Variants in HYOU1 observed in about 807,000 individuals in gnomAD.
HYOU1 encodes the protein hypoxia up-regulated 1, also known as hypoxia up-regulated protein 1.
Under a neutral mutation model 120.5 loss-of-function variants are expected in HYOU1, and 40 were observed. The ratio of observed to expected loss-of-function variants is 0.33; its 90% CI spans 0.26 to 0.43. The LOEUF is 0.43. HYOU1 is among the 20% of genes least tolerant of loss of function. The pLI is 1.00. For missense variants in HYOU1, 1,085 were observed against 1,278.3 expected (o/e 0.85, Z 2.31); for synonymous variants, 501 against 479.4 (o/e 1.05, Z -0.59).
chr11:119,050,708 C>A (rs1397488037), intron 14 of HYOU1, among the ~76,000 whole-genome samples: 3 of 91,088 alleles, frequency 3.3e-5, no homozygotes, highest in Non-Finnish European at 5.8e-5. Context: ...GTAACAGAGC[C>A]AAGACCCTCT....
rs1944427092 is a variant in HYOU1 at position 119,051,378 on chromosome 11, T to C, written c.1526+60A>G. The C allele has an allele frequency of 6.4e-7, 1 of 1,572,414 alleles. No homozygotes were observed. Among genetic ancestry groups the C allele is most frequent in the African/African-American group, 1.4e-5 (1 of 74,006 alleles). On this transcript the variant is annotated intron_variant, in intron 13 of 25. Transcript: ENST00000617285. This position sits in a 1 kb window ranked among gnomAD's most constrained non-coding sequence, Gnocchi z 4.2. ...TCCTCCCTCACCCCCAGTCCTCAGA[T>C]TATCCAGCAGCCACGCCTCCCCCTC...
chr11:119,052,599 G>T lies in HYOU1; in HGVS notation c.987+38C>A, dbSNP rs1191438591. The T allele has an allele frequency of 6.3e-7, 1 of 1,589,780 alleles. No homozygotes were observed. Among genetic ancestry groups the T allele is most frequent in the South Asian group, 1.1e-5 (1 of 87,272 alleles). On this transcript the variant is annotated intron_variant, in intron 9 of 25. Coordinates refer to ENST00000617285, the MANE Select transcript of HYOU1 (RefSeq NM_006389.5). The surrounding 1 kb of genome is among the most constrained non-coding windows in gnomAD (Gnocchi z 5.0). ...TGGCAGGGTCCCCCACCCTCTACGT[G>T]GGACAAAATATAGCCTCAACCAGCC... is the stretch of plus-strand genomic sequence containing the variant.
At chr11:119,046,510 G>A (rs1944086842) in intron 23 of HYOU1, 43 bp from the exon 24 acceptor site, 1 of 1,614,016 alleles carries the variant, frequency 6.2e-7, no homozygotes, top group African/African-American at 1.3e-5. Context: ...AGGAAGGAAA[G>A]GAGGCTGTCT....
rs2133563982 is a variant in HYOU1 at position 119,048,431 on chromosome 11, C to T, written c.2253+45G>A. ...AGCCCAGAGGCAAGGCCCACAGAGC[C>T]AGGTGTAAGCCCAGTGGGGGGGCTG... On this transcript the variant is annotated intron_variant, in intron 19 of 25. Transcript: ENST00000617285. The surrounding 1 kb of genome is among the most constrained non-coding windows in gnomAD (Gnocchi z 4.7). 6.2e-7 allele frequency: 1 copy of T among 1,612,646 alleles called. No homozygotes were observed.
At position 119,052,458 on chromosome 11, in the gene HYOU1, T is replaced by C. The variant is rs2133593075; in HGVS notation, c.988-29A>G. On this transcript the variant is annotated intron_variant, in intron 9 of 25. Transcript: ENST00000617285. This position sits in a 1 kb window ranked among gnomAD's most constrained non-coding sequence, Gnocchi z 5.0. ...GGAGAGGATGGGGACTGTCAGGGGG[T>C]TCTTGCCCAGCTCCCGCTCTCTTGG... is the stretch of plus-strand genomic sequence containing the variant. 1 of 1,613,908 alleles carries C rather than the reference T, an allele frequency of 6.2e-7. No individual in the cohort carries two copies. The highest frequency in any genetic ancestry group is 8.5e-7 in the Non-Finnish European group (1 of 1,179,980).
At chr11:119,045,917 G>A in intron 24 of HYOU1, 86 bp from the exon 25 acceptor site, 1 of 1,327,326 alleles carries the variant, frequency 7.5e-7, no homozygotes. Context: ...TGAAGAGCCA[G>A]CTAGTAAATA....
rs2133570784 is a variant in HYOU1 at position 119,049,223 on chromosome 11, C to A, written c.1807-20G>T. 6.9e-6 allele frequency: 11 copies of A among 1,587,406 alleles called. No individual in the cohort carries two copies. In the Admixed American group the frequency reaches 1.6e-4, roughly 23 times the overall value. Reference sequence around the variant, plus strand: ...TTCCTCCTGGGAAACACCACAGGCGCCCCAGGGAACGATCAGGAGCAGAGC... The same window carrying A: ...TTCCTCCTGGGAAACACCACAGGCGACCCAGGGAACGATCAGGAGCAGAGC... On this transcript the variant is annotated intron_variant, in intron 16 of 25. Transcript: ENST00000617285.
At position 119,044,301 on chromosome 11, in the gene HYOU1, C is replaced by T. The variant is rs978069412; in HGVS notation, c.*1292G>A. On this transcript the variant is annotated 3_prime_UTR_variant, in exon 26 of 26. Coordinates refer to ENST00000617285, the MANE Select transcript of HYOU1 (RefSeq NM_006389.5). ...CAGCTACTGAAAGAATTCAAACATA[C>T]AGAAGAGGTGGGGGTGGGGTGAGGG... 8.2e-6 allele frequency: 1 copy of T among 122,460 alleles called. No individual in the cohort carries two copies. The highest frequency in any genetic ancestry group is 3.3e-5 in the African/African-American group (1 of 30,470). 7.6% of individuals were successfully genotyped at this position (122,460 alleles called of 1,614,324 possible).
chr11:119,051,801 T>G lies in HYOU1; in HGVS notation c.1338+18A>C, dbSNP rs2133587974. 9.9e-6 allele frequency: 16 copies of G among 1,613,700 alleles called. No homozygotes were observed. Among genetic ancestry groups the G allele is most frequent in the Non-Finnish European group, 1.4e-5 (16 of 1,179,784 alleles). ...GAGGTAAAGGGAGCTTGTCACCTGC[T>G]CAGTCAGGCTCACTCACCAGGATGG... is the stretch of plus-strand genomic sequence containing the variant. On this transcript the variant is annotated intron_variant, in intron 12 of 25. Coordinates refer to ENST00000617285, the MANE Select transcript of HYOU1 (RefSeq NM_006389.5). This position sits in a 1 kb window ranked among gnomAD's most constrained non-coding sequence, Gnocchi z 4.2.
Position 119,049,088 on chromosome 11 carries a change from G to A in HYOU1, c.1922C>T (p.Pro641Leu). Reference protein sequence around the residue: ...EDGSQPPPPEPKGDATPEGEK... With the variant: ...EDGSQPPPPELKGDATPEGEK... ...TCCCTCAGGGGTTGCATCTCCCTTA[G>A]GTTCAGGGGGTGGGGGCTGAGAGCC... Residue 641 changes from proline to leucine, a missense_variant, in exon 17 of 26, where the codon CCT (proline) becomes CTT (leucine). Physicochemically the swap from Pro to Leu is moderately conservative, Grantham distance 98. Coordinates refer to ENST00000617285, the MANE Select transcript of HYOU1 (RefSeq NM_006389.5). 6.2e-7 allele frequency: 1 copy of A among 1,614,108 alleles called. No individual in the cohort carries two copies. Among genetic ancestry groups the A allele is most frequent in the Non-Finnish European group, 8.5e-7 (1 of 1,180,010 alleles).
chr11:119,048,124 C>G lies in HYOU1; in HGVS notation c.2377-44G>C. ...GGCAGAGGGGTGGAAGGGACGACAG[C>G]AGAGCCTGGAGTCAGCCCCATGTCC... On this transcript the variant is annotated intron_variant, in intron 20 of 25. Coordinates refer to ENST00000617285, the MANE Select transcript of HYOU1 (RefSeq NM_006389.5). This position sits in a 1 kb window ranked among gnomAD's most constrained non-coding sequence, Gnocchi z 4.7. 1 of 1,612,972 alleles carries G rather than the reference C, an allele frequency of 6.2e-7. No homozygotes were observed. Among genetic ancestry groups the G allele is most frequent in the Non-Finnish European group, 8.5e-7 (1 of 1,179,998 alleles).
rs2133591352 is a variant in HYOU1 at position 119,052,224 on chromosome 11, G to A, written c.1123-52C>T. ...AACAGCATGCAGTTAGCACTGACTC[G>A]TCCCTTGACGTCCCATGGGTTTCCT... On this transcript the variant is annotated intron_variant, in intron 10 of 25. Coordinates refer to ENST00000617285, the MANE Select transcript of HYOU1 (RefSeq NM_006389.5). This position sits in a 1 kb window ranked among gnomAD's most constrained non-coding sequence, Gnocchi z 5.0. The A allele has an allele frequency of 2.9e-5, 46 of 1,613,526 alleles. No individual in the cohort carries two copies. Among genetic ancestry groups the A allele is most frequent in the Middle Eastern group, 1.7e-4 (1 of 6,058 alleles).
Position 119,048,306 on chromosome 11 carries a change from C to T in HYOU1, c.2318G>A (p.Gly773Glu). The stretch of plus-strand genomic sequence containing the variant: ...CCAGGTGGATGCGGCGCTGAGCTTC[C>T]CAGAGATCTCCTCACGCTGCTCCTC... Reference protein sequence around the residue: ...STEEQREEISGKLSAASTWLE... With the variant: ...STEEQREEISEKLSAASTWLE... The change falls in exon 20 of 26, where the codon GGG (glycine) becomes GAG (glutamate). Residue 773 changes from glycine to glutamate, a missense_variant. Coordinates refer to ENST00000617285, the MANE Select transcript of HYOU1 (RefSeq NM_006389.5). This position sits in a 1 kb window ranked among gnomAD's most constrained non-coding sequence, Gnocchi z 4.7. 6.2e-7 allele frequency: 1 copy of T among 1,611,148 alleles called. No individual in the cohort carries two copies. Among genetic ancestry groups the T allele is most frequent in the Non-Finnish European group, 8.5e-7 (1 of 1,179,984 alleles).
At chr11:119,049,945 C>G (rs1362939456) in intron 14 of HYOU1, 108 bp from the exon 15 acceptor site, 1 of 984,754 alleles carries the variant, frequency 1.0e-6, no homozygotes, top group East Asian at 2.4e-5. Context: ...CGTCACAGGC[C>G]TAGTCTCTCA....
chr11:119,054,086 T>C, intron 8 of HYOU1, 35 bp downstream of exon 8: 1 of 1,396,298 alleles, frequency 7.2e-7, no homozygotes, highest in Non-Finnish European at 1.0e-6. Flanking sequence ...TTGAGGGTCT[T>C]CACAAGCAGC....
rs1944728107 is a variant in HYOU1, at chr11:119,055,933, A to C, written c.92-90T>G. On this transcript the variant is annotated intron_variant, in intron 2 of 25. Coordinates refer to ENST00000617285, the MANE Select transcript of HYOU1 (RefSeq NM_006389.5). The surrounding 1 kb of genome is among the most constrained non-coding windows in gnomAD (Gnocchi z 4.0). ...TCAAAGCATACCACTTTCCATGGGTAAACGAAGATGGCAAAAGACAAAAAG... is the reference window on the plus strand; with the variant it reads ...TCAAAGCATACCACTTTCCATGGGTCAACGAAGATGGCAAAAGACAAAAAG... 5.0e-6 allele frequency: 7 copies of C among 1,400,134 alleles called. No individual in the cohort carries two copies. The highest frequency in any genetic ancestry group is 7.1e-6 in the Non-Finnish European group (7 of 987,406). 86.7% of individuals were successfully genotyped at this position (1,400,134 alleles called of 1,614,324 possible). A position where few individuals can be genotyped will look rare whatever the true frequency, so the allele number is the denominator to read the frequency against.
rs2133568952 is a variant in HYOU1 at position 119,049,009 on chromosome 11, A to G, written c.1992+9T>C. The G allele has an allele frequency of 1.4e-5, 22 of 1,613,674 alleles. No homozygotes were observed. Among genetic ancestry groups the G allele is most frequent in the Non-Finnish European group, 1.9e-5 (22 of 1,179,740 alleles). ...GGATCCACACTGGCCTTCCTCTGCC[A>G]CAGCTCACCTGGGCCTCAGACTTGT... On this transcript the variant is annotated intron_variant, in intron 17 of 25. Coordinates refer to ENST00000617285, the MANE Select transcript of HYOU1 (RefSeq NM_006389.5).
At position 119,055,317 on chromosome 11, in the gene HYOU1, G is replaced by A. The variant is rs2133612247; in HGVS notation, c.287C>T (p.Thr96Met). The change falls in exon 5 of 26, where the codon ACG becomes ATG. Residue 96 changes from threonine (T) to methionine (M), a missense_variant. Thr to Met is a moderately conservative substitution (Grantham distance 81). Transcript: ENST00000617285. This position sits in a 1 kb window ranked among gnomAD's most constrained non-coding sequence, Gnocchi z 4.0. ...ASMAIKNPKA[T>M]LRYFQHLLGK... is the part of the protein sequence containing the mutation. ...CAGGAGGTGCTGGAAGTAACGTAGCGTAGCCTTTGGATTCTTAATCGCCTG... is the reference window on the plus strand; with the variant it reads ...CAGGAGGTGCTGGAAGTAACGTAGCATAGCCTTTGGATTCTTAATCGCCTG... The A allele has an allele frequency of 2.8e-5, 45 of 1,613,638 alleles. No individual in the cohort carries two copies. The Admixed American group carries it at 5.0e-4, about 18-fold the overall frequency.
Position 119,045,830 on chromosome 11 carries a change from T to C in HYOU1, c.2889A>G (p.Gly963=). Residue 963 remains glycine (G), a splice_region_variant and synonymous_variant, in exon 25 of 26, where the codon GGA becomes GGG. Coordinates refer to ENST00000617285, the MANE Select transcript of HYOU1 (RefSeq NM_006389.5). The part of the protein sequence containing the change: ...PISEPEKVET[G]SEPGDTEPLE... ...AAGGCTCAGTGTCTCCTGGCTCGGA[T>C]CCTGCTTTGGGAAGAAACAGGTTAG... is the stretch of plus-strand genomic sequence containing the variant. 1 of 1,612,584 alleles carries C rather than the reference T, an allele frequency of 6.2e-7. No homozygotes were observed. Among genetic ancestry groups the C allele is most frequent in the East Asian group, 2.2e-5 (1 of 44,874 alleles).
Sources: gnomAD v4.1 joint callset for allele counts (sites outside exome capture counted in the v4.1 genomes callset) on GRCh38, gnomAD v4.1.1 for gene constraint, Gnocchi (gnomAD v3.1) non-coding constraint, MANE v1.5 for transcripts, NCBI Gene and HGNC (gene_info 2026-07-23, HGNC 2026-07-21) for gene names.